Variants in HPS1 observed in about 807,000 individuals in gnomAD.
HPS1 encodes HPS1 biogenesis of lysosomal organelles complex 3 subunit 1, also known as BLOC-3 complex member HPS1.
In HPS1, 59 loss-of-function variants were observed where a neutral mutation model predicts 90.6. The ratio of observed to expected loss-of-function variants is 0.65; its 90% CI spans 0.53 to 0.81. The LOEUF (loss-of-function observed/expected upper bound fraction) is 0.81, where lower values mean the gene tolerates loss of function less well. HPS1 is among the 30% of genes least tolerant of loss of function. HPS1 has a pLI of 0.00. For synonymous variants in HPS1, 388 were observed against 384.4 expected (o/e 1.01, Z -0.11); for missense variants, 849 against 896.7 (o/e 0.95, Z 0.68).
intron 13 of HPS1, among the ~76,000 whole-genome samples, chr10:98,424,603 C>T (rs949612168): frequency 6.6e-6 from 1 of 151,926 alleles, no homozygotes; most frequent in African/African-American, 2.4e-5. Context: ...TCCAGGGGCT[C>T]GCTGTCTGAC....
intron 13 of HPS1, among the ~76,000 whole-genome samples, chr10:98,425,148 G>T (rs943409621): frequency 1.3e-5 from 2 of 152,216 alleles, no homozygotes; most frequent in African/African-American, 2.4e-5. Flanking sequence ...TGCCCTGTGA[G>T]CCCGGGGACA....
At chr10:98,426,817 A>G (rs1191447365) in intron 11 of HPS1, among the ~76,000 whole-genome samples, 1 of 151,922 alleles carries the variant, frequency 6.6e-6, no homozygotes, top group Non-Finnish European at 1.5e-5. Flanking sequence ...GAAACACCCC[A>G]AGATGTTAAT....
At chr10:98,446,302 C>T (rs542949826) in intron 1 of HPS1, among the ~76,000 whole-genome samples, 2 of 152,334 alleles carry the variant, frequency 1.3e-5, no homozygotes, top group Admixed American at 1.3e-4. Context: ...GGAAGAGAAC[C>T]TCGCCGGTGT....
At chr10:98,436,415 A>T (rs1847330086) in intron 3 of HPS1, among the ~76,000 whole-genome samples, 1 of 152,248 alleles carries the variant, frequency 6.6e-6, no homozygotes, top group East Asian at 1.9e-4. Flanking sequence ...CGAAGTATTG[A>T]TAAAATACTG....
Position 98,446,829 on chromosome 10 carries a change from G to A in HPS1, c.-128C>T, listed in dbSNP as rs890997117. 55 of 152,352 alleles carry A rather than the reference G, an allele frequency of 3.6e-4. No homozygotes were observed. The highest frequency in any genetic ancestry group is 1.3e-3 in the African/African-American group (52 of 41,560). 9.4% of individuals were successfully genotyped at this position (152,352 alleles called of 1,614,324 possible). On this transcript the variant is annotated 5_prime_UTR_variant, in exon 1 of 20. Transcript: ENST00000361490. ...TACCTCACTTCCGGGAGGGTTGAAG[G>A]GGGGCTCCGGAGGGAGGATCGCCGC...
rs1443842287 is a variant in HPS1 at position 98,425,854 on chromosome 10, G to C, written c.1119C>G (p.Pro373=). Residue 373 remains proline (P), a synonymous_variant, in exon 12 of 20, where the codon CCC becomes CCG. Transcript: ENST00000361490. ...GCACCAGGTTGATGCCCTGCCACAGGGGCAGGCAGTACATGGTGTGGGGCA... is the reference window on the plus strand; with the variant it reads ...GCACCAGGTTGATGCCCTGCCACAGCGGCAGGCAGTACATGGTGTGGGGCA... The part of the protein sequence containing the change: ...PLVPHTMYCL[P]LWQGINLVLL... The C allele has an allele frequency of 6.2e-7, 1 of 1,614,098 alleles. No individual in the cohort carries two copies. Among genetic ancestry groups the C allele is most frequent in the Non-Finnish European group, 8.5e-7 (1 of 1,179,994 alleles).
intron 5 of HPS1, 59 bp from the exon 6 acceptor site, chr10:98,434,150 C>A: frequency 6.7e-7 from 1 of 1,499,468 alleles, no homozygotes; most frequent in Non-Finnish European, 9.0e-7. Context: ...TCCCCCACAC[C>A]CAACCAAAGG....
rs74154473 is a variant in HPS1, at chr10:98,429,416, G to A, written c.937+157C>T. 19,543 of 1,540,944 alleles carry A rather than the reference G, an allele frequency of 0.013. 796 individuals are homozygous for A. In the African/African-American group the frequency reaches 0.13, roughly 10 times the overall value. On this transcript the variant is annotated intron_variant, in intron 10 of 19. Coordinates refer to ENST00000361490, the MANE Select transcript of HPS1 (RefSeq NM_000195.5). ...TCAGGCTGGAGCTGGCAGGGAAGAT[G>A]GGGAGCCGCAGACAGCGTCCTGTGC...
At chr10:98,426,188 G>A (rs1366670742) in intron 11 of HPS1, 4 of 578,556 alleles carry the variant, frequency 6.9e-6, no homozygotes, top group Non-Finnish European at 1.2e-5. Context: ...GGGCCTTTCT[G>A]CCCAGAGTCT....
intron 3 of HPS1, among the ~76,000 whole-genome samples, chr10:98,436,393 G>T (rs1032303271): frequency 1.3e-5 from 2 of 152,148 alleles, no homozygotes; most frequent in African/African-American, 4.8e-5. Context: ...GAATGTGAAT[G>T]CATAGAAAAA....
downstream of HPS1, chr10:98,415,169 G>A (rs1843967827): frequency 3.1e-6 from 5 of 1,604,246 alleles, no homozygotes; most frequent in Admixed American, 1.7e-5. Flanking sequence ...TAGGCAGGGA[G>A]TTTGCTAGCG....
Position 98,435,086 on chromosome 10 carries a change from C to A in HPS1, c.398+186G>T. On this transcript the variant is annotated intron_variant, in intron 5 of 19. Transcript: ENST00000361490. This position sits in a 1 kb window ranked among gnomAD's most constrained non-coding sequence, Gnocchi z 4.3. ...GAGTTCCATTCTCTGCTCTGTTTCA[C>A]CAGATATAAAGTCAGAGGGTCAGAC... 3.0e-6 allele frequency: 2 copies of A among 659,810 alleles called. No homozygotes were observed. Among genetic ancestry groups the A allele is most frequent in the Non-Finnish European group, 5.2e-6 (2 of 381,018 alleles). The allele number at this position is 659,810 out of a possible 1,614,324, so 40.9% of individuals were successfully genotyped here. A position where few individuals can be genotyped will look rare whatever the true frequency, so the allele number is the denominator to read the frequency against.
At chr10:98,429,415 T>A in intron 10 of HPS1, 158 bp downstream of exon 10, 1 of 1,540,562 alleles carries the variant, frequency 6.5e-7, no homozygotes, top group Admixed American at 2.0e-5. Flanking sequence ...GCAGGGAAGA[T>A]GGGGAGCCGC....
At position 98,435,610 on chromosome 10, in the gene HPS1, A is replaced by G. The variant is rs768900843; in HGVS notation, c.255+25T>C. Reference sequence around the variant, plus strand: ...CCCATCAAGCTGAGGGAAGAGGAACATGGGCCCCAGAGCTATAGACTCACC... The same window carrying G: ...CCCATCAAGCTGAGGGAAGAGGAACGTGGGCCCCAGAGCTATAGACTCACC... On this transcript the variant is annotated intron_variant, in intron 4 of 19. Transcript: ENST00000361490. The surrounding 1 kb of genome is among the most constrained non-coding windows in gnomAD (Gnocchi z 4.3). The G allele has an allele frequency of 6.2e-7, 1 of 1,613,962 alleles. No homozygotes were observed. Among genetic ancestry groups the G allele is most frequent in the Non-Finnish European group, 8.5e-7 (1 of 1,179,892 alleles).
intron 18 of HPS1, 80 bp from the exon 19 acceptor site, chr10:98,418,337 G>C: frequency 1.3e-6 from 1 of 741,198 alleles, no homozygotes; most frequent in Admixed American, 2.3e-5. Flanking sequence ...TTGCGGCCTG[G>C]CTTGGCTCTG....
intron 1 of HPS1, among the ~76,000 whole-genome samples, chr10:98,446,307 C>T (rs2136374772): frequency 6.6e-6 from 1 of 152,326 alleles, no homozygotes; most frequent in Non-Finnish European, 1.5e-5. Context: ...AGAACCTCGC[C>T]GGTGTCACAC....
Position 98,429,481 on chromosome 10 carries a change from A to G in HPS1, c.937+92T>C, listed in dbSNP as rs2136191186. On this transcript the variant is annotated intron_variant, in intron 10 of 19. Coordinates refer to ENST00000361490, the MANE Select transcript of HPS1 (RefSeq NM_000195.5). ...TACCTGCACTCAAGCCTTAGGAGGCACGGGGGTCCACTGGAGCCTAAGACA... is the reference window on the plus strand; with the variant it reads ...TACCTGCACTCAAGCCTTAGGAGGCGCGGGGGTCCACTGGAGCCTAAGACA... The G allele has an allele frequency of 4.4e-6, 7 of 1,605,296 alleles. No individual in the cohort carries two copies. In the South Asian group the frequency reaches 6.7e-5, roughly 15 times the overall value.
At chr10:98,423,104 A>G (rs1169242714) in intron 16 of HPS1, among the ~76,000 whole-genome samples, 6 of 152,234 alleles carry the variant, frequency 3.9e-5, no homozygotes, top group African/African-American at 1.4e-4. Flanking sequence ...TTTCATGGAA[A>G]ATCAGTATTC....
At chr10:98,421,023 G>A (rs937815957) in intron 17 of HPS1, among the ~76,000 whole-genome samples, 6 of 152,212 alleles carry the variant, frequency 3.9e-5, no homozygotes, top group East Asian at 1.9e-4. Flanking sequence ...CCTGCCTGAC[G>A]CAGGGACTGT....
Sources: gnomAD v4.1 joint callset for allele counts (sites outside exome capture counted in the v4.1 genomes callset) on GRCh38, gnomAD v4.1.1 for gene constraint, Gnocchi (gnomAD v3.1) non-coding constraint, MANE v1.5 for transcripts, NCBI Gene and HGNC (gene_info 2026-07-23, HGNC 2026-07-21) for gene names.